The following CNTN3 variants were observed in gnomAD, a reference collection of about 807,000 sequenced individuals.
The protein encoded by CNTN3 is contactin 3, also known as contactin-3.
CNTN3 carries 60 observed loss-of-function variants against 119.1 expected under a neutral mutation model. That is an observed-to-expected ratio of 0.50 (90% CI 0.41 to 0.62). The LOEUF (loss-of-function observed/expected upper bound fraction) is 0.62. Among genes scored for constraint, CNTN3 ranks in the 20% least tolerant of loss-of-function variants. The probability of loss-of-function intolerance (pLI) is 0.00; values close to 1 mark genes in which losing one functional copy is unlikely to be tolerated. For synonymous variants in CNTN3, 450 were observed against 438.7 expected (o/e 1.03, Z -0.32); for missense variants, 1,101 against 1,242.4 (o/e 0.89, Z 1.71).
At chr3:74,281,710 G>A (rs1702015610) in intron 20 of CNTN3, among the ~76,000 whole-genome samples, 1 of 152,162 alleles carries the variant, frequency 6.6e-6, no homozygotes, top group Admixed American at 6.5e-5. Flanking sequence ...GGGTATGAGA[G>A]AAAATGACTC....
In CNTN3 at chr3:74,408,400, T is replaced by A. The variant is rs189091902; in HGVS notation, c.454+16445A>T. Among the ~76,000 whole-genome samples, 35 of 152,228 alleles carry A rather than the reference T, an allele frequency of 2.3e-4. No homozygotes were observed. In the East Asian group the frequency reaches 6.8e-3, roughly 29 times the overall value. ...TCCCAGGAACAGTAACAGTGGTCGG[T>A]TTTTCAAAGGTATCACAGAAAAAGA... On this transcript the variant is annotated intron_variant, in intron 5 of 22. Coordinates refer to ENST00000263665, the MANE Select transcript of CNTN3 (RefSeq NM_020872.3).
chr3:74,277,857 C>T (rs500857), intron 20 of CNTN3, among the ~76,000 whole-genome samples: 69,349 of 151,670 alleles, frequency 0.46, 17,389 homozygotes, highest in East Asian at 0.71. Flanking sequence ...TGATGGTTTA[C>T]CTCAAAAACT....
chr3:74,320,530 A>T (rs1314793713), intron 13 of CNTN3, among the ~76,000 whole-genome samples: 1 of 152,014 alleles, frequency 6.6e-6, no homozygotes, highest in African/African-American at 2.4e-5. Context: ...GGGTGGGGGG[A>T]CGTGGGAGGG....
intron 3 of CNTN3, among the ~76,000 whole-genome samples, chr3:74,493,548 T>G (rs1451232327): frequency 6.6e-6 from 1 of 152,078 alleles, no homozygotes; most frequent in African/African-American, 2.4e-5. Flanking sequence ...GTCTGGGATT[T>G]GGGTTTAGGA....
intron 1 of CNTN3, among the ~76,000 whole-genome samples, chr3:74,567,966 G>A (rs1373163464): frequency 6.6e-6 from 1 of 152,100 alleles, no homozygotes; most frequent in African/African-American, 2.4e-5. Flanking sequence ...CTGTAAACTG[G>A]GAGTTACTAA....
intron 2 of CNTN3, 152 bp downstream of exon 2, chr3:74,520,906 G>T: frequency 2.1e-6 from 1 of 476,702 alleles, no homozygotes. Flanking sequence ...CCAATTATCA[G>T]ATTAGAGAAT....
chr3:74,520,773 C>T (rs1322538021), intron 2 of CNTN3, among the ~76,000 whole-genome samples: 1 of 151,308 alleles, frequency 6.6e-6, no homozygotes, highest in Non-Finnish European at 1.5e-5. Context: ...TTAACATGCT[C>T]AAATTTGATG....
chr3:74,485,308 C>T (rs1702832034), intron 4 of CNTN3, among the ~76,000 whole-genome samples: 1 of 151,844 alleles, frequency 6.6e-6, no homozygotes, highest in South Asian at 2.1e-4. Context: ...GAAATATATA[C>T]AAAGTACTTT....
intron 1 of CNTN3, among the ~76,000 whole-genome samples, chr3:74,577,576 T>A (rs1704438557): frequency 1.3e-5 from 2 of 152,102 alleles, no homozygotes; most frequent in South Asian, 4.2e-4. Flanking sequence ...GATCACTCCT[T>A]CTCGGTAACA....
chr3:74,277,230 A>G (rs994128269), intron 20 of CNTN3, among the ~76,000 whole-genome samples: 1 of 152,002 alleles, frequency 6.6e-6, no homozygotes, highest in Admixed American at 6.6e-5. Context: ...TACACTATTC[A>G]GCAAGATAAA....
intron 4 of CNTN3, among the ~76,000 whole-genome samples, chr3:74,479,264 ATTCGACCCATAAC>A (rs1194855837): frequency 8.3e-6 from 1 of 119,846 alleles, no homozygotes; most frequent in East Asian, 2.2e-4. Context: ...GTGAAATAAA[ATTCGACCCATAAC>A]AAATCAAGTC....
intron 10 of CNTN3, among the ~76,000 whole-genome samples, chr3:74,363,457 A>C (rs1419056187): frequency 6.6e-6 from 1 of 152,148 alleles, no homozygotes; most frequent in East Asian, 1.9e-4. Context: ...TCTCCACACC[A>C]ACCAAAAATA....
intron 5 of CNTN3, among the ~76,000 whole-genome samples, chr3:74,399,080 G>A (rs139624253): frequency 1.4e-3 from 206 of 151,948 alleles, no homozygotes; most frequent in African/African-American, 4.5e-3. Context: ...ATCCTACAAT[G>A]CTATAGAGAA....
Position 74,296,365 on chromosome 3 carries a change from C to T in CNTN3, c.2402-1129G>A, listed in dbSNP as rs548001607. 3.3e-5 allele frequency among the ~76,000 whole-genome samples: 5 copies of T among 152,176 alleles called. 1 individual carries two copies. Among genetic ancestry groups the T allele is most frequent in the African/African-American group, 1.2e-4 (5 of 41,528 alleles). On this transcript the variant is annotated intron_variant, in intron 18 of 22. Transcript: ENST00000263665. ...CACAGGTAAACAGTGTCCGAAAACT[C>T]CCTGGATAATGGCCATCACTCCCCA...
chr3:74,336,117 G>A (rs1703388029), intron 12 of CNTN3, among the ~76,000 whole-genome samples: 2 of 151,926 alleles, frequency 1.3e-5, no homozygotes, highest in African/African-American at 4.8e-5. Context: ...ATGGATAAAT[G>A]AATAAAATAT....
intron 5 of CNTN3, among the ~76,000 whole-genome samples, chr3:74,402,576 C>T (rs1705226139): frequency 1.3e-5 from 2 of 152,086 alleles, no homozygotes; most frequent in Non-Finnish European, 2.9e-5. Flanking sequence ...AATAGAGTGC[C>T]TTCTATATAC....
chr3:74,430,077 T>A lies in CNTN3; in HGVS notation c.359-5137A>T, dbSNP rs539064464. On this transcript the variant is annotated intron_variant, in intron 4 of 22. Transcript: ENST00000263665. The stretch of plus-strand genomic sequence containing the variant: ...GTCAAAGCCAATATGGAAAACATGT[T>A]TTTTAGTTTCCTGTAAAACGAACCA... Among the ~76,000 whole-genome samples the A allele has an allele frequency of 4.8e-3, 732 of 152,320 alleles. 5 individuals are homozygous for A. The highest frequency in any genetic ancestry group is 0.016 in the African/African-American group (675 of 41,568).
chr3:74,405,620 A>T (rs550172058), intron 5 of CNTN3, among the ~76,000 whole-genome samples: 1 of 152,118 alleles, frequency 6.6e-6, no homozygotes, highest in African/African-American at 2.4e-5. Context: ...AAAAATTGTT[A>T]TCTTTACAAT....
intron 2 of CNTN3, among the ~76,000 whole-genome samples, chr3:74,513,825 A>G (rs1386323611): frequency 1.3e-5 from 2 of 152,062 alleles, no homozygotes; most frequent in Non-Finnish European, 1.5e-5. Flanking sequence ...CCCTAGTCCT[A>G]TAAATAAAGT....
Sources: allele counts gnomAD v4.1 joint callset (sites outside exome capture counted in the v4.1 genomes callset), GRCh38; gene constraint gnomAD v4.1.1; transcripts MANE v1.5; gene names NCBI Gene and HGNC (gene_info 2026-07-23, HGNC 2026-07-21).